NRG1: variants seen among roughly 807,000 people sequenced by gnomAD.
NRG1 encodes neuregulin 1.
A neutral mutation model predicts 63.8 loss-of-function variants in NRG1; 18 were observed. The observed-to-expected ratio is 0.28, with a 90% CI of 0.19 to 0.42. NRG1 has a LOEUF of 0.42. Ranked by LOEUF, NRG1 falls within the 10% of genes least tolerant of loss-of-function variation. The probability of loss-of-function intolerance (pLI) is 1.00; values close to 1 mark genes in which losing one functional copy is unlikely to be tolerated. For synonymous variants in NRG1, 302 were observed against 301.3 expected (o/e 1.00, Z -0.02); for missense variants, 762 against 814.7 (o/e 0.94, Z 0.79).
chr8:32,717,181 T>A, intron 5 of NRG1, among the ~76,000 whole-genome samples: 1 of 152,156 alleles, frequency 6.6e-6, no homozygotes, highest in East Asian at 1.9e-4. Context: ...AAATGTACAT[T>A]TTCTTTAGAG....
chr8:32,653,202 T>G (rs1404289256), intron 5 of NRG1, among the ~76,000 whole-genome samples: 1 of 152,118 alleles, frequency 6.6e-6, no homozygotes, highest in East Asian at 1.9e-4. Flanking sequence ...TGCCAGACTC[T>G]GTTCTAGACC....
chr8:32,119,269 G>T (rs9773442), intron 1 of NRG1, among the ~76,000 whole-genome samples: 17,125 of 152,084 alleles, frequency 0.11, 2,511 homozygotes, highest in African/African-American at 0.34. Flanking sequence ...ATTTTAATAT[G>T]AGAAAACTAA....
intron 1 of NRG1, among the ~76,000 whole-genome samples, chr8:31,950,943 T>C (rs903747548): frequency 6.6e-6 from 1 of 152,216 alleles, no homozygotes; most frequent in Non-Finnish European, 1.5e-5. Context: ...AACTGACTTG[T>C]ATTGAAACTG....
At chr8:32,668,013 G>A (rs1804665376) in intron 5 of NRG1, among the ~76,000 whole-genome samples, 1 of 152,064 alleles carries the variant, frequency 6.6e-6, no homozygotes, top group Non-Finnish European at 1.5e-5. Context: ...AGGAGTTGGA[G>A]ACCAGCCTGG....
At chr8:32,455,384 T>A (rs1007207050) in intron 1 of NRG1, among the ~76,000 whole-genome samples, 3 of 152,226 alleles carry the variant, frequency 2.0e-5, no homozygotes, top group Non-Finnish European at 4.4e-5. Flanking sequence ...AGAGCTTCTC[T>A]ATGTCTGAAG....
Position 32,115,019 on chromosome 8 carries a change from C to A in NRG1, c.37+475588C>A, listed in dbSNP as rs569733487. Among the ~76,000 whole-genome samples, 737 of 151,788 alleles carry A rather than the reference C, an allele frequency of 4.9e-3. 2 individuals are homozygous for A. Among genetic ancestry groups the A allele is most frequent in the South Asian group, 0.01 (50 of 4,802 alleles). ...TTGGGGTGACAACCACCCTTACAGT[C>A]AAAAATCTGTTTATAACTTTTTTTT... is the stretch of plus-strand genomic sequence containing the variant. On this transcript the variant is annotated intron_variant, in intron 1 of 10. Coordinates refer to the NRG1 transcript ENST00000519301.
chr8:31,647,591 G>A lies in NRG1; in HGVS notation c.37+8160G>A, dbSNP rs187131877. 3.1e-3 allele frequency among the ~76,000 whole-genome samples: 479 copies of A among 152,320 alleles called. 2 individuals are homozygous for A. The highest frequency in any genetic ancestry group is 0.011 in the African/African-American group (463 of 41,580). Reference sequence around the variant, plus strand: ...ACATAGAATTTCTCATTAGCCTTGGGAAGTGGTTCTGGCAGTTGGGGCCCC... The same window carrying A: ...ACATAGAATTTCTCATTAGCCTTGGAAAGTGGTTCTGGCAGTTGGGGCCCC... On this transcript the variant is annotated intron_variant, in intron 1 of 10. Coordinates refer to the NRG1 transcript ENST00000519301.
At chr8:32,605,361 GTACAACTTAA>G (rs1427126434) in intron 2 of NRG1, among the ~76,000 whole-genome samples, 191 bp from the exon 3 acceptor site, 1 of 152,128 alleles carries the variant, frequency 6.6e-6, no homozygotes, top group East Asian at 1.9e-4. Flanking sequence ...GAAATCCATG[GTACAACTTAA>G]ATGTGATGCA....
At chr8:32,492,844 T>C (rs1354177558) in intron 1 of NRG1, among the ~76,000 whole-genome samples, 1 of 152,152 alleles carries the variant, frequency 6.6e-6, no homozygotes, top group Admixed American at 6.5e-5. Context: ...ACAAATAATT[T>C]TGAGTGTGTG....
intron 1 of NRG1, among the ~76,000 whole-genome samples, chr8:32,341,259 C>T (rs1032096774): frequency 6.6e-6 from 1 of 152,114 alleles, no homozygotes; most frequent in Admixed American, 6.5e-5. Flanking sequence ...TCTATTATTC[C>T]ACTTTGCATT....
At chr8:32,430,264 T>C (rs1047162404) in intron 1 of NRG1, among the ~76,000 whole-genome samples, 4 of 152,332 alleles carry the variant, frequency 2.6e-5, no homozygotes, top group African/African-American at 7.2e-5. Flanking sequence ...TCTGGATTCC[T>C]TAAATATAGA....
At chr8:32,394,090 C>A (rs1006667414) in intron 1 of NRG1, among the ~76,000 whole-genome samples, 1 of 152,002 alleles carries the variant, frequency 6.6e-6, no homozygotes, top group African/African-American at 2.4e-5. Flanking sequence ...TCTTGTTTTC[C>A]TACTTCCTTT....
intron 1 of NRG1, among the ~76,000 whole-genome samples, chr8:32,119,196 C>G (rs186706886): frequency 1.6e-4 from 25 of 152,224 alleles, no homozygotes; most frequent in African/African-American, 6.0e-4. Context: ...AATTAGCTTT[C>G]TCTGCTGTGT....
chr8:31,812,808 A>G (rs1005967172), intron 1 of NRG1, among the ~76,000 whole-genome samples: 1 of 152,214 alleles, frequency 6.6e-6, no homozygotes, highest in Non-Finnish European at 1.5e-5. Flanking sequence ...TGTAAAGCAG[A>G]TATCAAGAGA....
intron 6 of NRG1, among the ~76,000 whole-genome samples, chr8:32,729,741 TA>T (rs1007429690): frequency 3.9e-5 from 6 of 152,182 alleles, no homozygotes; most frequent in African/African-American, 1.4e-4. Flanking sequence ...AAGTGCATCT[TA>T]AAAAACATAT....
rs191534164 is a variant in NRG1 at position 32,186,527 on chromosome 8, G to A, written c.38-409301G>A. 2.4e-3 allele frequency among the ~76,000 whole-genome samples: 364 copies of A among 151,882 alleles called. 5 individuals carry two copies. The highest frequency in any genetic ancestry group is 8.4e-3 in the African/African-American group (350 of 41,474). On this transcript the variant is annotated intron_variant, in intron 1 of 10. Coordinates refer to the NRG1 transcript ENST00000519301. ...AAGAAAGAAAGAAATGATTCGCATT[G>A]TAGGGTCATGAATTTCAACACATAT...
At position 31,964,612 on chromosome 8, in the gene NRG1, C is replaced by T. The variant is rs191450286; in HGVS notation, c.37+325181C>T. Among the ~76,000 whole-genome samples, 38 of 152,238 alleles carry T rather than the reference C, an allele frequency of 2.5e-4. No homozygotes were observed. In the East Asian group the frequency reaches 7.4e-3, roughly 29 times the overall value. ...CCTGGGAGGTCTAGGCTGCAGTGAG[C>T]CATGACAGCACCACTGAGCCTTGGT... On this transcript the variant is annotated intron_variant, in intron 1 of 10. Coordinates refer to the NRG1 transcript ENST00000519301.
chr8:31,652,494 A>G (rs920713605), intron 1 of NRG1, among the ~76,000 whole-genome samples: 1 of 152,232 alleles, frequency 6.6e-6, no homozygotes, highest in Admixed American at 6.5e-5. Context: ...TTTTGTCCCA[A>G]GTGTTCTTGT....
At chr8:31,943,432 T>C (rs1802060819) in intron 1 of NRG1, among the ~76,000 whole-genome samples, 1 of 152,062 alleles carries the variant, frequency 6.6e-6, no homozygotes, top group Non-Finnish European at 1.5e-5. Context: ...CTGGGTACAG[T>C]GTACACTGCT....
Sources: gnomAD v4.1 joint callset for allele counts (sites outside exome capture counted in the v4.1 genomes callset) on GRCh38, gnomAD v4.1.1 for gene constraint, MANE v1.5 for transcripts, NCBI Gene and HGNC (gene_info 2026-07-23, HGNC 2026-07-21) for gene names.